Variants in MAGI2 observed in about 807,000 individuals in gnomAD.
MAGI2 encodes the protein membrane associated guanylate kinase, WW and PDZ domain containing 2.
A neutral mutation model predicts 133.3 loss-of-function variants in MAGI2; 35 were observed. That is an observed-to-expected ratio of 0.26 (90% CI 0.20 to 0.35). The LOEUF (loss-of-function observed/expected upper bound fraction) is 0.35. Among genes scored for constraint, MAGI2 ranks in the 10% least tolerant of loss-of-function variants. The pLI, the probability that MAGI2 is intolerant of heterozygous loss-of-function variation, is 1.00. For missense variants in MAGI2, 1,636 were observed against 1,863.4 expected, an observed-to-expected ratio of 0.88 and a Z score of 2.25; for synonymous variants, 729 against 710.6, an observed-to-expected ratio of 1.03 and a Z score of -0.41.
At chr7:78,055,863 G>T (rs1812512361) in intron 21 of MAGI2, among the ~76,000 whole-genome samples, 1 of 152,174 alleles carries the variant, frequency 6.6e-6, no homozygotes, top group South Asian at 2.1e-4. Context: ...TGAAGCTCAG[G>T]AAGGGGGGCA....
At chr7:78,538,714 T>C (rs1406847544) in intron 3 of MAGI2, among the ~76,000 whole-genome samples, 1 of 152,214 alleles carries the variant, frequency 6.6e-6, no homozygotes, top group Non-Finnish European at 1.5e-5. Flanking sequence ...CTTCACTGAA[T>C]TCATTTATCA....
intron 9 of MAGI2, among the ~76,000 whole-genome samples, chr7:78,321,908 T>G (rs535023744): frequency 1.3e-5 from 2 of 152,068 alleles, no homozygotes; most frequent in East Asian, 3.9e-4. Flanking sequence ...TACGAAGAAC[T>G]AAAACAAATT....
chr7:78,562,666 T>C (rs1429418409), intron 3 of MAGI2, among the ~76,000 whole-genome samples: 3 of 152,188 alleles, frequency 2.0e-5, no homozygotes, highest in Non-Finnish European at 2.9e-5. Flanking sequence ...TTCAAGATAC[T>C]TTCACTGTCA....
At chr7:78,159,827 GC>G in intron 16 of MAGI2, 197 bp downstream of exon 16, 2 of 489,694 alleles carry the variant, frequency 4.1e-6, no homozygotes, top group Middle Eastern at 1.1e-3. Flanking sequence ...TTGTGTTCTT[GC>G]CTTCTTCTTG....
chr7:78,489,650 G>T (rs184891134), intron 6 of MAGI2, 111 bp downstream of exon 6: 3 of 797,950 alleles, frequency 3.8e-6, no homozygotes, highest in Non-Finnish European at 2.1e-6. Context: ...ACATTACATC[G>T]TTAAAATTGT....
At chr7:78,527,360 A>C (rs1797068289) in intron 3 of MAGI2, among the ~76,000 whole-genome samples, 1 of 152,026 alleles carries the variant, frequency 6.6e-6, no homozygotes, top group Non-Finnish European at 1.5e-5. Flanking sequence ...TAGTCAATTG[A>C]CCTTTGCATA....
intron 21 of MAGI2, among the ~76,000 whole-genome samples, chr7:78,040,558 A>T (rs1006343243): frequency 2.0e-5 from 3 of 152,082 alleles, no homozygotes; most frequent in Admixed American, 2.0e-4. Flanking sequence ...CTCGACTGGG[A>T]ATGAGGGGAT....
At chr7:79,339,916 G>C (rs1000620426) in intron 1 of MAGI2, among the ~76,000 whole-genome samples, 13 of 151,898 alleles carry the variant, frequency 8.6e-5, no homozygotes, top group African/African-American at 2.9e-4. Flanking sequence ...CTTTTTGGTT[G>C]GCCATTTAAA....
chr7:78,980,531 G>A (rs938810389), intron 2 of MAGI2, among the ~76,000 whole-genome samples: 3 of 151,702 alleles, frequency 2.0e-5, no homozygotes, highest in African/African-American at 7.3e-5. Flanking sequence ...TCAGAACGAA[G>A]GTATATTTCA....
chr7:78,213,044 G>T (rs1330049012), intron 10 of MAGI2, among the ~76,000 whole-genome samples: 1 of 152,162 alleles, frequency 6.6e-6, no homozygotes, highest in Non-Finnish European at 1.5e-5. Context: ...ATTTTTATTG[G>T]TAAGTCACCT....
At chr7:78,305,388 G>T (rs903498088) in intron 9 of MAGI2, among the ~76,000 whole-genome samples, 2 of 152,174 alleles carry the variant, frequency 1.3e-5, no homozygotes, top group Non-Finnish European at 2.9e-5. Context: ...GACAGCGAGC[G>T]TGTCTACTTG....
chr7:78,545,520 A>G (rs968606677), intron 3 of MAGI2, among the ~76,000 whole-genome samples: 1 of 151,988 alleles, frequency 6.6e-6, no homozygotes, highest in Admixed American at 6.6e-5. Context: ...CCCCAAATAA[A>G]CTGATGCTTA....
chr7:78,803,722 T>A (rs1242035163), intron 2 of MAGI2, among the ~76,000 whole-genome samples: 1 of 152,264 alleles, frequency 6.6e-6, no homozygotes, highest in African/African-American at 2.4e-5. Context: ...ATGACTCATA[T>A]ACTTAAAAGT....
chr7:79,095,467 C>G (rs1317450301), intron 1 of MAGI2, among the ~76,000 whole-genome samples: 2 of 152,202 alleles, frequency 1.3e-5, no homozygotes, highest in African/African-American at 4.8e-5. Context: ...TTTTGACAAG[C>G]CTTCCTCACT....
chr7:78,766,081 T>C (rs1021688353), intron 2 of MAGI2, among the ~76,000 whole-genome samples: 5 of 152,212 alleles, frequency 3.3e-5, no homozygotes, highest in Non-Finnish European at 5.9e-5. Context: ...ATTTGAGCTT[T>C]TGTGGCCCTT....
At chr7:78,225,102 G>A (rs1210802021) in intron 10 of MAGI2, among the ~76,000 whole-genome samples, 2 of 152,020 alleles carry the variant, frequency 1.3e-5, no homozygotes, top group South Asian at 2.1e-4. Flanking sequence ...TCTTTCTTTG[G>A]GATACTGCAC....
chr7:78,019,887 A>G lies in MAGI2; in HGVS notation c.3796T>C (p.Ser1266Pro), dbSNP rs1808165605. The G allele has an allele frequency of 6.2e-7, 1 of 1,612,134 alleles. No individual in the cohort carries two copies. The highest frequency in any genetic ancestry group is 8.5e-7 in the Non-Finnish European group (1 of 1,179,408). Residue 1266 changes from serine (S) to proline (P), a missense_variant, in exon 22 of 22, where the codon TCT becomes CCT. This residue lies in a region of MAGI2 where 354 missense variants were observed against 298.7 expected (regional missense o/e 1.19). Coordinates refer to ENST00000354212, the MANE Select transcript of MAGI2 (RefSeq NM_012301.4). ...GAGGGTGGGGCTGGATGTGATGGAG[A>G]GAATGGAGCGAGGCCGTCGTCCAGG... is the stretch of plus-strand genomic sequence containing the variant. ...VSLDDGLAPF[S>P]PSHPAPPSDP...
chr7:79,047,420 AAAT>A (rs1220218479), intron 1 of MAGI2, among the ~76,000 whole-genome samples: 2 of 152,272 alleles, frequency 1.3e-5, no homozygotes, highest in Middle Eastern at 3.4e-3. Context: ...GACAAGTACA[AAAT>A]AATAATATGG....
At chr7:78,896,381 G>A (rs1797213881) in intron 2 of MAGI2, among the ~76,000 whole-genome samples, 1 of 151,828 alleles carries the variant, frequency 6.6e-6, no homozygotes, top group African/African-American at 2.4e-5. Flanking sequence ...ATACAATGAG[G>A]CTGCATGAAT....
Sources: gnomAD v4.1 joint callset for allele counts (sites outside exome capture counted in the v4.1 genomes callset) on GRCh38, gnomAD v4.1.1 for gene constraint, gnomAD v4.1.1 regional missense constraint, MANE v1.5 for transcripts, NCBI Gene and HGNC (gene_info 2026-07-23, HGNC 2026-07-21) for gene names.